The following TMEM132D variants were observed in gnomAD, a reference collection of about 807,000 sequenced individuals.
The protein encoded by TMEM132D is mature OL transmembrane protein.
Under a neutral mutation model 62.3 loss-of-function variants are expected in TMEM132D, and 21 were observed. The observed-to-expected ratio is 0.34, with a 90% CI of 0.24 to 0.49. The LOEUF is 0.49. Ranked by LOEUF, TMEM132D falls within the 20% of genes least tolerant of loss-of-function variation. The pLI is 0.99. For missense variants in TMEM132D, 1,346 were observed against 1,402.8 expected (o/e 0.96, Z 0.65); for synonymous variants, 621 against 575.6 (o/e 1.08, Z -1.13).
intron 5 of TMEM132D, among the ~76,000 whole-genome samples, chr12:129,150,871 G>A (rs1177979408): frequency 6.6e-6 from 1 of 152,206 alleles, no homozygotes. Context: ...GGCCTGCCAG[G>A]GGTCCCTGGG....
chr12:129,466,860 A>G (rs1051764715), intron 3 of TMEM132D, among the ~76,000 whole-genome samples: 2 of 152,092 alleles, frequency 1.3e-5, no homozygotes, highest in African/African-American at 2.4e-5. Context: ...CTTCAACGTC[A>G]CCATCTCCAG....
intron 1 of TMEM132D, among the ~76,000 whole-genome samples, chr12:129,821,232 G>A (rs1389388119): frequency 6.6e-6 from 1 of 152,168 alleles, no homozygotes; most frequent in East Asian, 1.9e-4. Flanking sequence ...ACAATGGTGT[G>A]TATTGTGTGT....
intron 1 of TMEM132D, among the ~76,000 whole-genome samples, chr12:129,764,866 G>A (rs868666218): frequency 1.1e-4 from 17 of 152,012 alleles, no homozygotes; most frequent in African/African-American, 3.9e-4. Context: ...GCTTGAGCCT[G>A]GGAGGTTGAG....
At chr12:129,563,454 A>C (rs990846829) in intron 2 of TMEM132D, among the ~76,000 whole-genome samples, 1 of 152,062 alleles carries the variant, frequency 6.6e-6, no homozygotes, top group African/African-American at 2.4e-5. Context: ...CTCCTTCTTA[A>C]TCTTTCTAAG....
intron 1 of TMEM132D, among the ~76,000 whole-genome samples, chr12:129,746,229 C>T (rs1429696675): frequency 1.3e-5 from 2 of 152,180 alleles, no homozygotes; most frequent in African/African-American, 4.8e-5. Context: ...TGGGCAGTTC[C>T]AGGGTGTACA....
chr12:129,174,498 T>G (rs1019746982), intron 5 of TMEM132D, among the ~76,000 whole-genome samples: 1 of 152,224 alleles, frequency 6.6e-6, no homozygotes, highest in African/African-American at 2.4e-5. Flanking sequence ...TCTGGGTTGG[T>G]TCCATGACTT....
At chr12:129,850,890 T>C (rs1873517459) in intron 1 of TMEM132D, among the ~76,000 whole-genome samples, 1 of 152,214 alleles carries the variant, frequency 6.6e-6, no homozygotes, top group Non-Finnish European at 1.5e-5. Context: ...TTAGATTCTT[T>C]TGAAAGAAAA....
chr12:129,522,540 A>G (rs1028698294), intron 3 of TMEM132D: 1 of 152,160 alleles, frequency 6.6e-6, no homozygotes, highest in African/African-American at 2.4e-5. Flanking sequence ...TAAAATACTC[A>G]CGGTAAAGGG....
chr12:129,627,888 G>C (rs1002437848), intron 2 of TMEM132D, among the ~76,000 whole-genome samples: 1 of 152,102 alleles, frequency 6.6e-6, no homozygotes, highest in Non-Finnish European at 1.5e-5. Flanking sequence ...TTTCAGGGCT[G>C]AAGTGGAATG....
At chr12:129,767,481 T>TA (rs905180296) in intron 1 of TMEM132D, among the ~76,000 whole-genome samples, 3 of 152,086 alleles carry the variant, frequency 2.0e-5, no homozygotes, top group African/African-American at 4.8e-5. Context: ...CTGTCCTCAG[T>TA]AAAAAACAAA....
intron 3 of TMEM132D, among the ~76,000 whole-genome samples, chr12:129,405,609 A>G (rs568845567): frequency 4.6e-5 from 7 of 152,060 alleles, no homozygotes; most frequent in African/African-American, 1.7e-4. Flanking sequence ...TTGGGAGGAG[A>G]TGATGAATAG....
chr12:129,289,814 C>A (rs181142457), intron 4 of TMEM132D, among the ~76,000 whole-genome samples: 3 of 152,196 alleles, frequency 2.0e-5, no homozygotes, highest in Admixed American at 2.0e-4. Context: ...AAGTTTAAGT[C>A]CAGCCTGGAC....
chr12:129,728,552 G>A (rs1017364038), intron 1 of TMEM132D, among the ~76,000 whole-genome samples: 2 of 152,216 alleles, frequency 1.3e-5, no homozygotes, highest in African/African-American at 2.4e-5. Flanking sequence ...TGCAGGGCGT[G>A]AGTCTCATTT....
chr12:129,296,414 C>A (rs1881577380), intron 4 of TMEM132D, among the ~76,000 whole-genome samples: 1 of 152,236 alleles, frequency 6.6e-6, no homozygotes, highest in South Asian at 2.1e-4. Context: ...ACCCCGGTTA[C>A]TTCTAAGTCC....
At chr12:129,249,742 T>C (rs1311799969) in intron 4 of TMEM132D, among the ~76,000 whole-genome samples, 1 of 152,034 alleles carries the variant, frequency 6.6e-6, no homozygotes, top group African/African-American at 2.4e-5. Context: ...AAGAGTTTAA[T>C]TGAAAAGACC....
chr12:129,887,944 C>G (rs924805898), intron 1 of TMEM132D, among the ~76,000 whole-genome samples: 1 of 152,110 alleles, frequency 6.6e-6, no homozygotes, highest in Non-Finnish European at 1.5e-5. Flanking sequence ...CATTTGTAAG[C>G]TGGGATTTTT....
chr12:129,786,406 G>A (rs576907069), intron 1 of TMEM132D, among the ~76,000 whole-genome samples: 3 of 152,242 alleles, frequency 2.0e-5, no homozygotes, highest in African/African-American at 4.8e-5. Context: ...ACCTCGTGGC[G>A]AAAATGGGGC....
Position 129,072,131 on chromosome 12 carries a change from A to C in TMEM132D, c.*1744T>G, listed in dbSNP as rs1874086819. ...AGAGGAAGAAGGAGTAAAGACACAC[A>C]CTCAAAATTACAGAGATGAGATGGA... On this transcript the variant is annotated 3_prime_UTR_variant, in exon 9 of 9. Transcript: ENST00000422113. 2.1e-5 allele frequency: 2 copies of C among 93,752 alleles called. No homozygotes were observed. Among genetic ancestry groups the C allele is most frequent in the South Asian group, 6.4e-4 (2 of 3,138 alleles). The allele number at this position is 93,752 out of a possible 1,614,324, so 5.8% of individuals were successfully genotyped here. A position where few individuals can be genotyped will look rare whatever the true frequency, so the allele number is the denominator to read the frequency against.
At chr12:129,817,610 T>C (rs911438992) in intron 1 of TMEM132D, among the ~76,000 whole-genome samples, 1 of 107,192 alleles carries the variant, frequency 9.3e-6, no homozygotes, top group Non-Finnish European at 2.0e-5. Flanking sequence ...TGTGTGTGTG[T>C]AGTATGGGGT....
Sources: allele counts gnomAD v4.1 joint callset (sites outside exome capture counted in the v4.1 genomes callset), GRCh38; gene constraint gnomAD v4.1.1; transcripts MANE v1.5; gene names NCBI Gene and HGNC (gene_info 2026-07-23, HGNC 2026-07-21).